SLC16A8: variants seen among roughly 807,000 people sequenced by gnomAD.
SLC16A8 encodes the protein solute carrier family 16 member 8, also known as monocarboxylate transporter 3.
SLC16A8 carries 20 observed loss-of-function variants against 22.4 expected under a neutral mutation model. That is an observed-to-expected ratio of 0.89 (90% CI 0.63 to 1.30). The LOEUF is 1.30. Among genes scored for constraint, SLC16A8 ranks in the 50% most tolerant of loss-of-function variants. The pLI is 0.00. For missense variants in SLC16A8, 817 were observed against 740.3 expected (o/e 1.10, Z -1.20); for synonymous variants, 393 against 358.8 (o/e 1.10, Z -1.08).
At chr22:38,083,699 C>T (rs1377987503) in intron 1 of SLC16A8, among the ~76,000 whole-genome samples, 2 of 131,748 alleles carry the variant, frequency 1.5e-5, no homozygotes, top group Non-Finnish European at 3.3e-5. Context: ...TGGGGCTCCA[C>T]CCGGGGCCCT....
chr22:38,082,534 C>T lies in SLC16A8; in HGVS notation c.214+126G>A. On this transcript the variant is annotated intron_variant, in intron 3 of 5. Transcript: ENST00000681075. ...TTCCCCTCTTTCTGGTGCCAGGGTTCCCACAGGCAGGAAGGGACTTCGGGG... is the reference window on the plus strand; with the variant it reads ...TTCCCCTCTTTCTGGTGCCAGGGTTTCCACAGGCAGGAAGGGACTTCGGGG... 3.8e-6 allele frequency: 3 copies of T among 793,640 alleles called. No individual in the cohort carries two copies. In the South Asian group the frequency reaches 5.6e-5, roughly 15 times the overall value. 49.2% of individuals were successfully genotyped at this position (793,640 alleles called of 1,614,324 possible).
Position 38,081,674 on chromosome 22 carries a change from C to A in SLC16A8, c.364G>T (p.Gly122Cys). 6.6e-7 allele frequency: 1 copy of A among 1,516,886 alleles called. No individual in the cohort carries two copies. The highest frequency in any genetic ancestry group is 1.2e-5 in the South Asian group (1 of 80,642). 94.0% of individuals were successfully genotyped at this position (1,516,886 alleles called of 1,614,324 possible). ...GACGGCTGGAAGTTGAGGGCCAGGC[C>A]CAGGCCTGCGGGCGAGGCGGTGCTG... ...YLTAGVLTGL[G>C]LALNFQPSLI... The change falls in exon 5 of 6, where the codon GGC (glycine) becomes TGC (cysteine). Residue 122 changes from glycine (G) to cysteine (C), a missense_variant. By Grantham distance (159) the Gly-to-Cys change is radical. Coordinates refer to ENST00000681075, the MANE Select transcript of SLC16A8 (RefSeq NM_013356.3).
chr22:38,078,558 C>T lies in SLC16A8; in HGVS notation c.1345G>A (p.Gly449Ser). Reference sequence around the variant, plus strand: ...GCGTCCTCAGTGTCACTGGCTCCGCCCTCAGTGCCTGGGCCTGACGGGGCA... The same window carrying T: ...GCGTCCTCAGTGTCACTGGCTCCGCTCTCAGTGCCTGGGCCTGACGGGGCA... Reference protein sequence around the residue: ...KAAPSGPGTEGGASDTEDAEA... With the variant: ...KAAPSGPGTESGASDTEDAEA... Residue 449 changes from glycine to serine, a missense_variant, in exon 6 of 6, where the codon GGC (glycine) becomes AGC (serine). Physicochemically the swap from Gly to Ser is moderately conservative, Grantham distance 56. Transcript: ENST00000681075. 2 of 1,614,052 alleles carry T rather than the reference C, an allele frequency of 1.2e-6. No homozygotes were observed. The highest frequency in any genetic ancestry group is 2.2e-5 in the East Asian group (1 of 44,904).
At chr22:38,083,530 T>G (rs930330207) in intron 1 of SLC16A8, among the ~76,000 whole-genome samples, 169 bp from the exon 2 acceptor site, 9 of 152,264 alleles carry the variant, frequency 5.9e-5, no homozygotes, top group African/African-American at 2.2e-4. Flanking sequence ...GGGTGATTGA[T>G]CACCCCGAGG....
In SLC16A8 at chr22:38,082,015, G is replaced by C; in HGVS notation, c.232C>G (p.Leu78Val). 1 of 1,579,336 alleles carries C rather than the reference G, an allele frequency of 6.3e-7. No individual in the cohort carries two copies. The highest frequency in any genetic ancestry group is 2.3e-5 in the East Asian group (1 of 42,878). The change falls in exon 4 of 6, where the codon CTC (leucine) becomes GTC (valine). Residue 78 changes from leucine (L) to valine (V), a missense_variant. Leu to Val is a conservative substitution (Grantham distance 32). Transcript: ENST00000681075. ...LYGTGPVSSI[L>V]VTRFGCRPVM... ...GGGCGACAGCCAAAGCGGGTCACGA[G>C]GATGCTGGACACGGGGCCTGTGGGC... is the stretch of plus-strand genomic sequence containing the variant.
rs2085874206 is a variant in SLC16A8, at chr22:38,078,344, T to C, written c.*44A>G. The C allele has an allele frequency of 6.5e-7, 1 of 1,536,244 alleles. No individual in the cohort carries two copies. Among genetic ancestry groups the C allele is most frequent in the Admixed American group, 1.8e-5 (1 of 55,980 alleles). On this transcript the variant is annotated 3_prime_UTR_variant, in exon 6 of 6. Transcript: ENST00000681075. ...TACCAGGCTCTCTGAGACAAGAAGC[T>C]GTGTTCCCAAGTCACTGGGCCACCC...
At position 38,081,098 on chromosome 22, in the gene SLC16A8, GCGCCAGGCC is replaced by G. The variant is rs746470909; in HGVS notation, c.931_939del (p.Gly311_Ala313del). The G allele has an allele frequency of 6.4e-6, 10 of 1,554,084 alleles. No homozygotes were observed. Among genetic ancestry groups the G allele is most frequent in the African/African-American group, 2.7e-5 (2 of 73,570 alleles). Reference sequence around the variant, plus strand: ...AGATACGGGACGTGCGGCCGCAGACGCGCCAGGCCCGCCAGGGCGCCGCACGCCGGGCGC... The same window carrying G: ...AGATACGGGACGTGCGGCCGCAGACGCGCCAGGGCGCCGCACGCCGGGCGC... On this transcript the variant is annotated inframe_deletion, in exon 5 of 6. Transcript: ENST00000681075.
At position 38,081,063 on chromosome 22, in the gene SLC16A8, C is replaced by T. The variant is rs115490807; in HGVS notation, c.975G>A (p.Leu325=). 1,177 of 1,582,960 alleles carry T rather than the reference C, an allele frequency of 7.4e-4. 7 individuals are homozygous for T. The African/African-American group carries it at 0.014, about 18-fold the overall frequency. Residue 325 remains leucine, a synonymous_variant, in exon 5 of 6, where the codon CTG becomes CTA. Coordinates refer to ENST00000681075, the MANE Select transcript of SLC16A8 (RefSeq NM_013356.3). ...LRPHVPYLFS[L]ALLANGLTDL... Reference sequence around the variant, plus strand: ...CTGTGAGCCCATTGGCCAGCAGGGCCAGGCTGAACAGATACGGGACGTGCG... The same window carrying T: ...CTGTGAGCCCATTGGCCAGCAGGGCTAGGCTGAACAGATACGGGACGTGCG...
At chr22:38,082,518 T>C in intron 3 of SLC16A8, 142 bp downstream of exon 3, 4 of 728,404 alleles carry the variant, frequency 5.5e-6, no homozygotes. Context: ...CTTCCCCTCT[T>C]TCTGGTGCCA....
In SLC16A8 at chr22:38,082,121, A is replaced by G. The variant is rs541772495; in HGVS notation, c.215-89T>C. ...TCACCTCCGGCTCAGGGACACAGAG[A>G]GGAGGGCAGTGTCTGGCCAAGGTCA... On this transcript the variant is annotated intron_variant, in intron 3 of 5. Transcript: ENST00000681075. 7.6e-4 allele frequency: 1,073 copies of G among 1,408,752 alleles called. 1 individual carries two copies. Among genetic ancestry groups the G allele is most frequent in the Non-Finnish European group, 9.8e-4 (1,034 of 1,052,070 alleles). The allele number at this position is 1,408,752 out of a possible 1,614,324, so 87.3% of individuals were successfully genotyped here.
Position 38,081,866 on chromosome 22 carries a change from AGAG to A in SLC16A8, c.358+20_358+22del, listed in dbSNP as rs1301137716. 3.2e-6 allele frequency: 5 copies of A among 1,586,824 alleles called. No homozygotes were observed. In the African/African-American group the frequency reaches 4.0e-5, roughly 13 times the overall value. ...GAACCCCCGACCCCCAACCCAGCGG[AGAG>A]GAGACCAGGGGGCCCTCACCTGTGA... On this transcript the variant is annotated intron_variant, in intron 4 of 5. Transcript: ENST00000681075.
rs1202464245 is a variant in SLC16A8 at position 38,081,395 on chromosome 22, C to A, written c.643G>T (p.Asp215Tyr). The A allele has an allele frequency of 4.4e-6, 6 of 1,370,316 alleles. No homozygotes were observed. The South Asian group carries it at 1.1e-4, about 24-fold the overall frequency. 84.9% of individuals were successfully genotyped at this position (1,370,316 alleles called of 1,614,324 possible). ...TCAGCCTCCGCCTCGCCCGGAGCGT[C>A]CCCGGCGCGGTCGCCGGCGCTGTCC... ...RRDSAGDRAG[D>Y]APGEAEADGA... is the part of the protein sequence containing the mutation. The change falls in exon 5 of 6, where the codon GAC becomes TAC. Residue 215 changes from aspartate to tyrosine, a missense_variant. Physicochemically the swap from Asp to Tyr is radical, Grantham distance 160 (BLOSUM62 -3). Transcript: ENST00000681075.
At chr22:38,080,705 G>A in intron 5 of SLC16A8, 135 bp downstream of exon 5, 1 of 1,231,180 alleles carries the variant, frequency 8.1e-7, no homozygotes, top group Non-Finnish European at 1.1e-6. Context: ...GGGACTAACT[G>A]GCCGTGAAGG....
At position 38,078,402 on chromosome 22, in the gene SLC16A8, C is replaced by T; in HGVS notation, c.1501G>A (p.Ala501Thr). ...AGCACCCTGAGTTATACAGACTCGG[C>T]AGCCAGCCTCGGCCTCGCCTCTATT... ...PEIEARPRLAAESV is the reference protein window; with the variant it reads ...PEIEARPRLATESV The change falls in exon 6 of 6, where the codon GCC (alanine) becomes ACC (threonine). Residue 501 changes from alanine (A) to threonine (T), a missense_variant. Physicochemically the swap from Ala to Thr is moderately conservative, Grantham distance 58. Coordinates refer to ENST00000681075, the MANE Select transcript of SLC16A8 (RefSeq NM_013356.3). 6.2e-7 allele frequency: 1 copy of T among 1,600,468 alleles called. No homozygotes were observed. Among genetic ancestry groups the T allele is most frequent in the Non-Finnish European group, 8.5e-7 (1 of 1,176,882 alleles).
At chr22:38,080,772 AG>A in intron 5 of SLC16A8, 67 bp downstream of exon 5, 1 of 1,427,686 alleles carries the variant, frequency 7.0e-7, no homozygotes, top group Non-Finnish European at 9.1e-7. Context: ...CATCTGAGAC[AG>A]GGGGATGGAG....
Position 38,078,541 on chromosome 22 carries a change from AGT to A in SLC16A8, c.1360_1361del (p.Thr454Ter). 1 of 1,614,166 alleles carries A rather than the reference AGT, an allele frequency of 6.2e-7. No individual in the cohort carries two copies. Among genetic ancestry groups the A allele is most frequent in the Non-Finnish European group, 8.5e-7 (1 of 1,180,028 alleles). On this transcript the variant is annotated frameshift_variant, in exon 6 of 6. Coordinates refer to ENST00000681075, the MANE Select transcript of SLC16A8 (RefSeq NM_013356.3). LOFTEE classifies it low-confidence loss of function (END_TRUNC). ...AGTCCCCTTCAGCCTCAGCGTCCTCAGTGTCACTGGCTCCGCCCTCAGTGCCT... is the reference window on the plus strand; with the variant it reads ...AGTCCCCTTCAGCCTCAGCGTCCTCAGTCACTGGCTCCGCCCTCAGTGCCT... ...GPGTEGGASD[T>X]EDAEAEGDSE...
At position 38,078,542 on chromosome 22, in the gene SLC16A8, G is replaced by A. The variant is rs774765843; in HGVS notation, c.1361C>T (p.Thr454Ile). ...GPGTEGGASD[T>I]EDAEAEGDSE... ...GTCCCCTTCAGCCTCAGCGTCCTCA[G>A]TGTCACTGGCTCCGCCCTCAGTGCC... Residue 454 changes from threonine (T) to isoleucine (I), a missense_variant, in exon 6 of 6, where the codon ACT (threonine) becomes ATT (isoleucine). Physicochemically the swap from Thr to Ile is moderately conservative, Grantham distance 89. Coordinates refer to ENST00000681075, the MANE Select transcript of SLC16A8 (RefSeq NM_013356.3). The A allele has an allele frequency of 6.2e-7, 1 of 1,614,194 alleles. No homozygotes were observed. Among genetic ancestry groups the A allele is most frequent in the South Asian group, 1.1e-5 (1 of 91,084 alleles).
At position 38,083,038 on chromosome 22, in the gene SLC16A8, T is replaced by A; in HGVS notation, c.-9+4A>T. 2 of 598,204 alleles carry A rather than the reference T, an allele frequency of 3.3e-6. No individual in the cohort carries two copies. Among genetic ancestry groups the A allele is most frequent in the Middle Eastern group, 8.9e-4 (2 of 2,236 alleles). The allele number at this position is 598,204 out of a possible 1,614,324, so 37.1% of individuals were successfully genotyped here. A position where few individuals can be genotyped will look rare whatever the true frequency, so the allele number is the denominator to read the frequency against. On this transcript the variant is annotated splice_donor_region_variant and intron_variant, in intron 2 of 5. Coordinates refer to ENST00000681075, the MANE Select transcript of SLC16A8 (RefSeq NM_013356.3). ...AAAAGGGGAAACGGAGGTAGGACTC[T>A]CACCCCAAGTCTCCTTCTCCTGCAA...
rs769487162 is a variant in SLC16A8 at position 38,081,151 on chromosome 22, C to T, written c.887G>A (p.Gly296Asp). Reference sequence around the variant, plus strand: ...CGGGCGCGCCACGATGTCCACGAAGCCCACGATGGACAGCAGGAAGGCGGC... The same window carrying T: ...CGGGCGCGCCACGATGTCCACGAAGTCCACGATGGACAGCAGGAAGGCGGC... Reference protein sequence around the residue: ...TDAAFLLSIVGFVDIVARPAC... With the variant: ...TDAAFLLSIVDFVDIVARPAC... Residue 296 changes from glycine to aspartate, a missense_variant, in exon 5 of 6, where the codon GGC becomes GAC. Coordinates refer to ENST00000681075, the MANE Select transcript of SLC16A8 (RefSeq NM_013356.3). 6.5e-7 allele frequency: 1 copy of T among 1,549,284 alleles called. No individual in the cohort carries two copies. The highest frequency in any genetic ancestry group is 8.7e-7 in the Non-Finnish European group (1 of 1,146,482).
Sources: gnomAD v4.1 joint callset for allele counts (sites outside exome capture counted in the v4.1 genomes callset) on GRCh38, gnomAD v4.1.1 for gene constraint, MANE v1.5 for transcripts, NCBI Gene and HGNC (gene_info 2026-07-23, HGNC 2026-07-21) for gene names.